The following EYS variants were observed in gnomAD, a reference collection of about 807,000 sequenced individuals.
EYS encodes EGF-like photoreceptor maintenance factor.
EYS carries 250 observed loss-of-function variants against 282.1 expected under a neutral mutation model. The observed-to-expected ratio is 0.89, with a 90% CI of 0.80 to 0.98. The LOEUF is 0.98. EYS is among the 50% of genes least tolerant of loss of function. EYS has a pLI of 0.00. For synonymous variants in EYS, 1,355 were observed against 1,282.9 expected (o/e 1.06, Z -1.20); for missense variants, 4,016 against 3,709.0 (o/e 1.08, Z -2.15).
intron 8 of EYS, among the ~76,000 whole-genome samples, chr6:65,370,863 T>A (rs1765116184): frequency 6.6e-6 from 1 of 151,948 alleles, no homozygotes; most frequent in Non-Finnish European, 1.5e-5. Flanking sequence ...TGGAAGAAAG[T>A]TAGTACCATA....
chr6:64,676,991 T>C (rs1453872791), intron 22 of EYS, among the ~76,000 whole-genome samples: 3 of 152,134 alleles, frequency 2.0e-5, no homozygotes, highest in African/African-American at 4.8e-5. Context: ...AAAGTGCAAA[T>C]GCATGCTTTT....
At chr6:64,850,689 T>A (rs895864083) in intron 19 of EYS, among the ~76,000 whole-genome samples, 2 of 152,054 alleles carry the variant, frequency 1.3e-5, no homozygotes, top group Non-Finnish European at 2.9e-5. Context: ...TAAAGTTTTT[T>A]AAAAGTTTTT....
chr6:65,340,136 A>C (rs1353397297), intron 10 of EYS, among the ~76,000 whole-genome samples: 1 of 151,182 alleles, frequency 6.6e-6, no homozygotes, highest in Non-Finnish European at 1.5e-5. Flanking sequence ...GAAATAAAAT[A>C]AACTTGGTAA....
chr6:64,758,484 G>GA lies in EYS; in HGVS notation c.3443+54893dup, dbSNP rs539159654. On this transcript the variant is annotated intron_variant, in intron 22 of 42. Transcript: ENST00000503581. ...ACTAGACTCAACTCTACAAAGGAAA[G>GA]AGTTTACGACAATCCTCTCTCAGTG... 1.2e-4 allele frequency among the ~76,000 whole-genome samples: 18 copies of GA among 152,198 alleles called. No individual in the cohort carries two copies. In the East Asian group the frequency reaches 3.3e-3, roughly 28 times the overall value.
At chr6:64,487,504 T>C (rs1314471277) in intron 26 of EYS, among the ~76,000 whole-genome samples, 1 of 151,088 alleles carries the variant, frequency 6.6e-6, no homozygotes, top group Non-Finnish European at 1.5e-5. Flanking sequence ...ATTTAAAATG[T>C]ATATTAAAAT....
In EYS at chr6:63,783,876, T is replaced by TTGTG. The variant is rs150840181; in HGVS notation, c.7723+4225_7723+4228dup. On this transcript the variant is annotated intron_variant, in intron 39 of 42. Coordinates refer to ENST00000503581, the MANE Select transcript of EYS (RefSeq NM_001142800.2). ...GGGTGCCCAGATACTTGGTCAAATATTGTGTGTGTGTGTGTGTGTTAGGAT... is the reference window on the plus strand; with the variant it reads ...GGGTGCCCAGATACTTGGTCAAATATTGTGTGTGTGTGTGTGTGTGTGTTAGGAT... Among the ~76,000 whole-genome samples the TTGTG allele has an allele frequency of 3.0e-3, 451 of 150,958 alleles. 1 individual carries two copies. The highest frequency in any genetic ancestry group is 0.01 in the African/African-American group (425 of 41,286).
At chr6:63,900,766 T>C (rs1418922738) in intron 35 of EYS, among the ~76,000 whole-genome samples, 1 of 152,098 alleles carries the variant, frequency 6.6e-6, no homozygotes, top group Non-Finnish European at 1.5e-5. Context: ...TGATAAGCTA[T>C]ACAAATACAG....
intron 22 of EYS, among the ~76,000 whole-genome samples, chr6:64,810,601 G>A (rs1038787892): frequency 6.6e-6 from 1 of 151,994 alleles, no homozygotes; most frequent in African/African-American, 2.4e-5. Flanking sequence ...TTTGTGTAAT[G>A]TCATTCAGCA....
intron 31 of EYS, among the ~76,000 whole-genome samples, chr6:64,174,930 T>C (rs79280590): frequency 5.3e-5 from 8 of 152,094 alleles, no homozygotes; most frequent in Non-Finnish European, 7.4e-5. Flanking sequence ...GAGTTTTTTT[T>C]CTAAAACTAG....
At chr6:65,373,911 A>G (rs1271916186) in intron 8 of EYS, among the ~76,000 whole-genome samples, 1 of 152,216 alleles carries the variant, frequency 6.6e-6, no homozygotes, top group East Asian at 1.9e-4. Context: ...TGGACTTATT[A>G]CAAGTCATAT....
At chr6:64,018,973 C>T (rs1428014754) in intron 33 of EYS, among the ~76,000 whole-genome samples, 1 of 151,886 alleles carries the variant, frequency 6.6e-6, no homozygotes, top group Admixed American at 6.6e-5. Flanking sequence ...CGGGGTTTCG[C>T]CATGTTGGCC....
intron 11 of EYS, among the ~76,000 whole-genome samples, chr6:65,297,196 C>A (rs187298480): frequency 1.8e-4 from 27 of 150,880 alleles, no homozygotes; most frequent in African/African-American, 6.6e-4. Context: ...AAAAAGAAAG[C>A]AAAAGATGAA....
intron 19 of EYS, among the ~76,000 whole-genome samples, chr6:64,861,421 C>T (rs920093456): frequency 6.6e-6 from 1 of 152,166 alleles, no homozygotes; most frequent in African/African-American, 2.4e-5. Flanking sequence ...GTCAGGGGTG[C>T]TTCCCAGTCC....
chr6:63,862,371 A>G (rs1321623874), intron 36 of EYS, among the ~76,000 whole-genome samples: 2 of 152,172 alleles, frequency 1.3e-5, no homozygotes, highest in Non-Finnish European at 2.9e-5. Context: ...AATGAATAGG[A>G]TAATTATTTT....
intron 35 of EYS, among the ~76,000 whole-genome samples, chr6:63,871,775 G>A (rs1010603750): frequency 6.6e-6 from 1 of 152,126 alleles, no homozygotes; most frequent in African/African-American, 2.4e-5. Flanking sequence ...TTGCCAACTG[G>A]GGGGATGTTA....
chr6:63,982,792 C>T (rs1767162760), intron 35 of EYS, among the ~76,000 whole-genome samples: 1 of 151,642 alleles, frequency 6.6e-6, no homozygotes, highest in South Asian at 2.1e-4. Flanking sequence ...AGGGTATGTT[C>T]ACCACATATA....
intron 7 of EYS, among the ~76,000 whole-genome samples, chr6:65,401,952 C>G (rs915348832): frequency 4.6e-5 from 7 of 151,822 alleles, no homozygotes; most frequent in Non-Finnish European, 1.0e-4. Context: ...AAATTATACA[C>G]CCAGATTCTT....
chr6:64,808,441 AGAC>A (rs377334231), intron 22 of EYS, among the ~76,000 whole-genome samples: 130 of 152,222 alleles, frequency 8.5e-4, no homozygotes, highest in Non-Finnish European at 1.6e-3. Flanking sequence ...AATTTAACTG[AGAC>A]AACATGAGAT....
intron 7 of EYS, among the ~76,000 whole-genome samples, chr6:65,391,583 G>C (rs922054427): frequency 6.6e-6 from 1 of 152,056 alleles, no homozygotes; most frequent in Non-Finnish European, 1.5e-5. Flanking sequence ...GCTTCAAAGA[G>C]AATAAAATAC....
Sources: allele counts gnomAD v4.1 joint callset (sites outside exome capture counted in the v4.1 genomes callset), GRCh38; gene constraint gnomAD v4.1.1; transcripts MANE v1.5; gene names NCBI Gene and HGNC (gene_info 2026-07-23, HGNC 2026-07-21).